Variants in TBC1D5 observed in about 807,000 individuals in gnomAD.
The protein encoded by TBC1D5 is TBC1 domain family member 5, also known as TBC1 domain family, member 5.
Under a neutral mutation model 100.3 loss-of-function variants are expected in TBC1D5, and 75 were observed. That is an observed-to-expected ratio of 0.75 (90% CI 0.62 to 0.91). The LOEUF is 0.91. TBC1D5 is among the 40% of genes least tolerant of loss of function. The pLI is 0.00. For synonymous variants in TBC1D5, 323 were observed against 325.6 expected (o/e 0.99, Z 0.09); for missense variants, 910 against 942.4 (o/e 0.97, Z 0.45).
intron 17 of TBC1D5, among the ~76,000 whole-genome samples, chr3:17,217,620 G>A (rs979286655): frequency 6.6e-6 from 1 of 151,974 alleles, no homozygotes; most frequent in African/African-American, 2.4e-5. Context: ...TTTTCCAATG[G>A]CTCATGATGC....
At chr3:17,266,528 C>A (rs1272959273) in intron 15 of TBC1D5, among the ~76,000 whole-genome samples, 3 of 152,046 alleles carry the variant, frequency 2.0e-5, no homozygotes, top group Non-Finnish European at 1.5e-5. Context: ...AATCACTTTT[C>A]TTTAACAGCC....
chr3:17,514,379 C>T (rs1040320606), intron 2 of TBC1D5, among the ~76,000 whole-genome samples: 11 of 152,110 alleles, frequency 7.2e-5, no homozygotes, highest in African/African-American at 2.4e-4. Flanking sequence ...TGGTAAAACC[C>T]TGAAACTTTA....
chr3:17,389,656 C>T (rs2093290513), intron 8 of TBC1D5, among the ~76,000 whole-genome samples: 1 of 152,110 alleles, frequency 6.6e-6, no homozygotes, highest in South Asian at 2.1e-4. Context: ...TTCAAGCTAC[C>T]CCAGCCAACA....
intron 4 of TBC1D5, among the ~76,000 whole-genome samples, chr3:17,422,339 G>GTTT (rs1168624095): frequency 6.8e-6 from 1 of 147,884 alleles, no homozygotes; most frequent in African/African-American, 2.5e-5. Context: ...GGCTAATTTT[G>GTTT]TTTTTTGTTT....
chr3:17,666,112 A>G (rs535943276), intron 1 of TBC1D5, among the ~76,000 whole-genome samples: 2 of 152,292 alleles, frequency 1.3e-5, no homozygotes, highest in South Asian at 4.1e-4. Flanking sequence ...CAAAGTATAA[A>G]TATTTTTAGG....
At chr3:17,192,593 G>A (rs2070092578) in intron 18 of TBC1D5, among the ~76,000 whole-genome samples, 1 of 152,152 alleles carries the variant, frequency 6.6e-6, no homozygotes, top group South Asian at 2.1e-4. Flanking sequence ...TGGACAGGAT[G>A]TAAACAAACA....
intron 4 of TBC1D5, among the ~76,000 whole-genome samples, chr3:17,409,781 A>C (rs985861186): frequency 1.3e-5 from 2 of 152,164 alleles, no homozygotes; most frequent in African/African-American, 4.8e-5. Flanking sequence ...AATTCTGTGA[A>C]AGCTGAGAAA....
chr3:17,205,170 G>A (rs890686353), intron 18 of TBC1D5, among the ~76,000 whole-genome samples: 7 of 152,114 alleles, frequency 4.6e-5, no homozygotes, highest in African/African-American at 1.7e-4. Flanking sequence ...TTTTAAATGA[G>A]ACTGTATTTT....
rs1441475773 is a variant in TBC1D5, at chr3:17,233,763, A to T, written c.1588+4400T>A. The T allele has an allele frequency of 1.3e-6, 2 of 1,520,566 alleles. No individual in the cohort carries two copies. Among genetic ancestry groups the T allele is most frequent in the African/African-American group, 1.4e-5 (1 of 72,178 alleles). The allele number at this position is 1,520,566 out of a possible 1,614,324, so 94.2% of individuals were successfully genotyped here. On this transcript the variant is annotated intron_variant, in intron 17 of 21. Coordinates refer to ENST00000253692, the Ensembl canonical transcript of TBC1D5. ...GTAACTACATCGCCTGGATTTCATAAGAAAAAATAATTAGATTTCATAAAA... is the reference window on the plus strand; with the variant it reads ...GTAACTACATCGCCTGGATTTCATATGAAAAAATAATTAGATTTCATAAAA...
intron 1 of TBC1D5, among the ~76,000 whole-genome samples, chr3:17,690,859 A>G (rs544859004): frequency 1.8e-4 from 28 of 152,228 alleles, no homozygotes; most frequent in Non-Finnish European, 3.2e-4. Flanking sequence ...CTGCTGCTTT[A>G]TAAGACTAAA....
chr3:17,273,595 T>C (rs2079650112), intron 15 of TBC1D5, among the ~76,000 whole-genome samples: 1 of 152,032 alleles, frequency 6.6e-6, no homozygotes, highest in Non-Finnish European at 1.5e-5. Flanking sequence ...TCACCTGAGG[T>C]CAGGTGTTCG....
chr3:17,526,360 G>T (rs2096135461), intron 2 of TBC1D5, among the ~76,000 whole-genome samples: 1 of 152,110 alleles, frequency 6.6e-6, no homozygotes, highest in African/African-American at 2.4e-5. Context: ...TGGGACTACA[G>T]ATGAGTGCCA....
intron 3 of TBC1D5, among the ~76,000 whole-genome samples, chr3:17,474,601 C>A (rs980070077): frequency 6.6e-6 from 1 of 152,114 alleles, no homozygotes; most frequent in Non-Finnish European, 1.5e-5. Context: ...CGACTCCAAT[C>A]TTCAGAAGAT....
intron 3 of TBC1D5, among the ~76,000 whole-genome samples, chr3:17,483,590 T>C (rs1427978677): frequency 1.3e-5 from 2 of 152,216 alleles, no homozygotes; most frequent in Non-Finnish European, 2.9e-5. Context: ...TAAATCTTAT[T>C]GATATGTATG....
chr3:17,424,534 A>G (rs1055590490), intron 4 of TBC1D5, among the ~76,000 whole-genome samples: 2 of 152,234 alleles, frequency 1.3e-5, no homozygotes, highest in Admixed American at 6.5e-5. Context: ...AGTACAAGAT[A>G]TATTTCACAA....
rs537010641 is a variant in TBC1D5 at position 17,443,267 on chromosome 3, C to G, written c.98-14748G>C. Among the ~76,000 whole-genome samples the G allele has an allele frequency of 1.7e-3, 254 of 152,286 alleles. 2 individuals are homozygous for G. The highest frequency in any genetic ancestry group is 5.9e-3 in the African/African-American group (246 of 41,552). On this transcript the variant is annotated intron_variant, in intron 3 of 21. Transcript: ENST00000253692. ...AGAGGCACTGAAATGTGACAGCGGT[C>G]AGGTCTCACTTGCACTCCGAGCTAA... is the stretch of plus-strand genomic sequence containing the variant.
Position 17,343,137 on chromosome 3 carries a change from T to G in TBC1D5, c.995+28938A>C, listed in dbSNP as rs540344884. The stretch of plus-strand genomic sequence containing the variant: ...ATAGCTCTTATTATTTGGAGATACG[T>G]CCCATCAATACCTAATTTATTGAGA... On this transcript the variant is annotated intron_variant, in intron 13 of 21. Transcript: ENST00000253692. Among the ~76,000 whole-genome samples the G allele has an allele frequency of 4.6e-3, 705 of 152,314 alleles. 2 individuals are homozygous for G. The highest frequency in any genetic ancestry group is 7.9e-3 in the Non-Finnish European group (535 of 68,038).
chr3:17,722,123 C>CA (rs35510021), intron 1 of TBC1D5, among the ~76,000 whole-genome samples: 1 of 151,690 alleles, frequency 6.6e-6, no homozygotes, highest in East Asian at 1.9e-4. Flanking sequence ...TTCTTGCCTT[C>CA]AAAAAAAAGT....
At chr3:17,693,545 C>T (rs918875832) in intron 1 of TBC1D5, among the ~76,000 whole-genome samples, 6 of 152,220 alleles carry the variant, frequency 3.9e-5, no homozygotes, top group Non-Finnish European at 7.4e-5. Flanking sequence ...CGTCCCCCAT[C>T]GCTGAGGCTT....
Sources: gnomAD v4.1 joint callset for allele counts (sites outside exome capture counted in the v4.1 genomes callset) on GRCh38, gnomAD v4.1.1 for gene constraint, MANE v1.5 for transcripts, NCBI Gene and HGNC (gene_info 2026-07-23, HGNC 2026-07-21) for gene names.